The following POLE variants were observed in gnomAD, a reference collection of about 807,000 sequenced individuals.
POLE encodes DNA polymerase epsilon, catalytic subunit.
In POLE, 188 loss-of-function variants were observed where a neutral mutation model predicts 279.2. The observed-to-expected ratio is 0.67, with a 90% CI of 0.60 to 0.76. The LOEUF (loss-of-function observed/expected upper bound fraction) is 0.76. POLE is among the 30% of genes least tolerant of loss of function. The probability of loss-of-function intolerance (pLI) is 0.00; values close to 1 mark genes in which losing one functional copy is unlikely to be tolerated. For synonymous variants in POLE, 1,214 were observed against 1,172.5 expected (o/e 1.04, Z -0.72); for missense variants, 2,703 against 3,016.7 (o/e 0.90, Z 2.44).
intron 20 of POLE, among the ~76,000 whole-genome samples, chr12:132,666,652 A>G (rs111549310): frequency 6.8e-4 from 103 of 152,276 alleles, no homozygotes; most frequent in African/African-American, 2.3e-3. Context: ...GTTCACTTAC[A>G]TGACATCCCT....
intron 25 of POLE, 79 bp downstream of exon 25, chr12:132,660,890 A>T: frequency 1.7e-6 from 2 of 1,201,084 alleles, no homozygotes. Context: ...GGTCTCCAGG[A>T]GCCCAGGAAG....
intron 42 of POLE, 44 bp downstream of exon 42, chr12:132,635,848 C>A (rs762771232): frequency 3.8e-6 from 6 of 1,576,516 alleles, no homozygotes; most frequent in Non-Finnish European, 8.6e-7. Context: ...GGAATGAACG[C>A]GACCCCCAAA....
intron 1 of POLE, 49 bp downstream of exon 1, chr12:132,687,205 G>A: frequency 7.6e-7 from 1 of 1,312,130 alleles, no homozygotes; most frequent in Non-Finnish European, 1.0e-6. Flanking sequence ...ACGGCCCCAT[G>A]GCACCCTCCG....
rs1157993567 is a variant in POLE at position 132,668,419 on chromosome 12, C to G, written c.2110G>C (p.Ala704Pro). Reference protein sequence around the residue: ...KFPPLFPEGPARAFHELSREE... With the variant: ...KFPPLFPEGPPRAFHELSREE... ...CGGGACAGTTCATGAAAGGCCCGAG[C>G]TGGCCCCTCTGGGAACAAGGGGGGG... The change falls in exon 19 of 49, where the codon GCT becomes CCT. Residue 704 changes from alanine to proline, a missense_variant. Ala to Pro is a conservative substitution (Grantham distance 27, BLOSUM62 -1). This residue lies in a region of POLE where 1,011 missense variants were observed against 1,111.7 expected (regional missense o/e 0.91). Coordinates refer to ENST00000320574, the MANE Select transcript of POLE (RefSeq NM_006231.4). This position sits in a 1 kb window ranked among gnomAD's most constrained non-coding sequence, Gnocchi z 4.0. 3.1e-6 allele frequency: 5 copies of G among 1,612,630 alleles called. No individual in the cohort carries two copies. In the East Asian group the frequency reaches 1.1e-4, roughly 36 times the overall value.
rs1555301259 is a variant in POLE, at chr12:132,626,287, G to T, written c.6361C>A (p.Gln2121Lys). 1 of 1,613,812 alleles carries T rather than the reference G, an allele frequency of 6.2e-7. No homozygotes were observed. The highest frequency in any genetic ancestry group is 8.5e-7 in the Non-Finnish European group (1 of 1,180,042). Residue 2121 changes from glutamine (Q) to lysine (K), a missense_variant, in exon 46 of 49, where the codon CAG becomes AAG. This residue lies in a region of POLE where 1,551 missense variants were observed against 1,686.1 expected (regional missense o/e 0.92). Coordinates refer to ENST00000320574, the MANE Select transcript of POLE (RefSeq NM_006231.4). The stretch of plus-strand genomic sequence containing the variant: ...AGGTCTCGGTTCAGCTTATTCACCT[G>T]GTTTGTGATGTTGGTGTCCAGGGAC... ...VLSLDTNITN[Q>K]VNKLNRDLLR...
chr12:132,651,725 T>C (rs78039469), intron 29 of POLE, among the ~76,000 whole-genome samples: 3,330 of 152,352 alleles, frequency 0.022, 122 homozygotes, highest in African/African-American at 0.076. Context: ...CTGTGGCTTC[T>C]GCCTGGCTGG....
intron 43 of POLE, chr12:132,633,879 G>A (rs571950983): frequency 1.3e-4 from 37 of 284,052 alleles, no homozygotes; most frequent in African/African-American, 6.9e-4. Context: ...CTGAGTTACC[G>A]AATCAGATGG....
chr12:132,641,208 C>G (rs778680699), intron 39 of POLE: 1 of 386,898 alleles, frequency 2.6e-6, no homozygotes, highest in Non-Finnish European at 5.2e-6. Context: ...GTGGGTAATG[C>G]GAGTAGCTGC....
chr12:132,672,905 C>T, intron 14 of POLE, 66 bp from the exon 15 acceptor site: 2 of 1,417,028 alleles, frequency 1.4e-6, no homozygotes, highest in Non-Finnish European at 2.0e-6. Flanking sequence ...AGGCAAAGTC[C>T]AGGAACCTAA....
chr12:132,636,968 T>C (rs1401486454), intron 41 of POLE, among the ~76,000 whole-genome samples: 1 of 152,186 alleles, frequency 6.6e-6, no homozygotes, highest in African/African-American at 2.4e-5. Context: ...CCTCCTCAGG[T>C]ACAGGGCACC....
rs770403791 is a variant in POLE, at chr12:132,676,174, A to C, written c.940T>G (p.Ser314Ala). Residue 314 changes from serine to alanine, a missense_variant, in exon 10 of 49, where the codon TCA becomes GCA. Transcript: ENST00000320574. ...GYLITNREIV[S>A]EDIEDFEFTP... Reference sequence around the variant, plus strand: ...AACTCAAAATCTTCAATATCTTCTGAAACAATCTCCCTGTTGGTGATGAGG... The same window carrying C: ...AACTCAAAATCTTCAATATCTTCTGCAACAATCTCCCTGTTGGTGATGAGG... The C allele has an allele frequency of 6.6e-5, 106 of 1,613,304 alleles. No individual in the cohort carries two copies. The highest frequency in any genetic ancestry group is 3.3e-4 in the Middle Eastern group (2 of 6,076).
chr12:132,624,678 ACCCGGGG>A lies in POLE; in HGVS notation c.*12_*18del. Reference sequence around the variant, plus strand: ...GGAGGCCTGGCACGGACGCAGAGGCACCCGGGGCCCGGGGCTGGCTAATGGCCCAGCT... The same window carrying A: ...GGAGGCCTGGCACGGACGCAGAGGCACCCGGGGCTGGCTAATGGCCCAGCT... On this transcript the variant is annotated 3_prime_UTR_variant, in exon 49 of 49. Coordinates refer to ENST00000320574, the MANE Select transcript of POLE (RefSeq NM_006231.4). 6.7e-7 allele frequency: 1 copy of A among 1,500,518 alleles called. No homozygotes were observed. The allele number at this position is 1,500,518 out of a possible 1,614,324, so 93.0% of individuals were successfully genotyped here. A position where few individuals can be genotyped will look rare whatever the true frequency, so the allele number is the denominator to read the frequency against.
chr12:132,652,371 T>C (rs2042442899), intron 29 of POLE, among the ~76,000 whole-genome samples: 1 of 147,698 alleles, frequency 6.8e-6, no homozygotes, highest in African/African-American at 2.5e-5. Context: ...TCACCTAGGC[T>C]GGAGTGCAGT....
rs1021500357 is a variant in POLE at position 132,642,990 on chromosome 12, T to C, written c.4558A>G (p.Ser1520Gly). Residue 1520 changes from serine (S) to glycine (G), a missense_variant, in exon 36 of 49, where the codon AGC (serine) becomes GGC (glycine). By Grantham distance (56) the Ser-to-Gly change is moderately conservative (BLOSUM62 0). Coordinates refer to ENST00000320574, the MANE Select transcript of POLE (RefSeq NM_006231.4). ...GCGCCAAGGCTGGGCATCTGGTTGCTGCGCACCTAGACCAACGCAGGCCAC... is the reference window on the plus strand; with the variant it reads ...GCGCCAAGGCTGGGCATCTGGTTGCCGCGCACCTAGACCAACGCAGGCCAC... ...ASVFVLDTVR[S>G]NQMPSLGALY... is the part of the protein sequence containing the mutation. The C allele has an allele frequency of 2.1e-5, 33 of 1,593,872 alleles. No homozygotes were observed. The highest frequency in any genetic ancestry group is 2.8e-5 in the Non-Finnish European group (33 of 1,173,496).
rs967499056 is a variant in POLE, at chr12:132,634,047, A to G, written c.6004+139T>C. ...CTGGAGAGGAGGCCCCTCGGCTCAC[A>G]AAGTCCCAACTGCTGGGCAGGCTCC... On this transcript the variant is annotated intron_variant, in intron 43 of 48. Transcript: ENST00000320574. The surrounding 1 kb of genome is among the most constrained non-coding windows in gnomAD (Gnocchi z 4.0). The G allele has an allele frequency of 9.2e-6, 7 of 761,572 alleles. 1 individual carries two copies. In the South Asian group the frequency reaches 1.3e-4, roughly 14 times the overall value. The allele number at this position is 761,572 out of a possible 1,614,324, so 47.2% of individuals were successfully genotyped here.
Position 132,657,334 on chromosome 12 carries a change from T to C in POLE, c.3459+15A>G, listed in dbSNP as rs2042566881. ...TTTTTAGCCCCACAGCCCGTGCCAC[T>C]GACCCCGCCCTTACCTGCTGCAGGG... On this transcript the variant is annotated intron_variant, in intron 28 of 48. Transcript: ENST00000320574. 3 of 1,614,096 alleles carry C rather than the reference T, an allele frequency of 1.9e-6. No individual in the cohort carries two copies. The highest frequency in any genetic ancestry group is 2.5e-6 in the Non-Finnish European group (3 of 1,180,016).
At chr12:132,628,613 A>C (rs567165058) in intron 45 of POLE, among the ~76,000 whole-genome samples, 1 of 152,326 alleles carries the variant, frequency 6.6e-6, no homozygotes, top group Admixed American at 6.5e-5. Flanking sequence ...ACTGTATTCC[A>C]GCCTGGGCGA....
intron 43 of POLE, chr12:132,633,445 G>T (rs1373228097): frequency 6.6e-6 from 1 of 152,278 alleles, no homozygotes; most frequent in Non-Finnish European, 1.5e-5. Flanking sequence ...TTACAGGCAT[G>T]AGCCACTGCG....
Position 132,665,395 on chromosome 12 carries a change from T to C in POLE, c.2375A>G (p.Lys792Arg), listed in dbSNP as rs2042772263. ...CAGCACCTCCATGTTCTTGCAGCGCTTCACCTCAGCCGCGTCGCCCACCTC... is the reference window on the plus strand; with the variant it reads ...CAGCACCTCCATGTTCTTGCAGCGCCTCACCTCAGCCGCGTCGCCCACCTC... ...AVEVGDAAEVKRCKNMEVLYD... is the reference protein window; with the variant it reads ...AVEVGDAAEVRRCKNMEVLYD... The change falls in exon 21 of 49, where the codon AAG becomes AGG. Residue 792 changes from lysine (K) to arginine (R), a missense_variant. Coordinates refer to ENST00000320574, the MANE Select transcript of POLE (RefSeq NM_006231.4). The C allele has an allele frequency of 2.5e-6, 4 of 1,613,752 alleles. No individual in the cohort carries two copies. The highest frequency in any genetic ancestry group is 1.6e-4 in the Middle Eastern group (1 of 6,062).
Sources: gnomAD v4.1 joint callset for allele counts (sites outside exome capture counted in the v4.1 genomes callset) on GRCh38, gnomAD v4.1.1 for gene constraint, gnomAD v4.1.1 regional missense constraint, Gnocchi (gnomAD v3.1) non-coding constraint, MANE v1.5 for transcripts, NCBI Gene and HGNC (gene_info 2026-07-23, HGNC 2026-07-21) for gene names.